Variants in PAIP2B observed in about 807,000 individuals in gnomAD.
The protein encoded by PAIP2B is polyadenylate-binding protein-interacting protein 2B.
Under a neutral mutation model 17.0 loss-of-function variants are expected in PAIP2B, and 13 were observed. The ratio of observed to expected loss-of-function variants is 0.76; its 90% confidence interval spans 0.50 to 1.22. PAIP2B has a LOEUF of 1.22. Among genes scored for constraint, PAIP2B ranks in the 50% most tolerant of loss-of-function variants. The pLI is 0.00. For missense variants in PAIP2B, 117 were observed against 144.5 expected, an observed-to-expected ratio of 0.81 and a Z score of 0.98; for synonymous variants, 43 against 48.7, an observed-to-expected ratio of 0.88 and a Z score of 0.48.
intron 1 of PAIP2B, among the ~76,000 whole-genome samples, chr2:71,217,246 G>T (rs1675449648): frequency 6.6e-6 from 1 of 152,144 alleles, no homozygotes; most frequent in South Asian, 2.1e-4. Flanking sequence ...TGATTCTCCT[G>T]CCTCAGCCTC....
chr2:71,201,464 C>T (rs762115882), intron 2 of PAIP2B, among the ~76,000 whole-genome samples: 9 of 151,812 alleles, frequency 5.9e-5, no homozygotes, highest in Admixed American at 1.3e-4. Flanking sequence ...TCACTGCAAC[C>T]TCCACCTATT....
chr2:71,208,787 A>G (rs1368077636), intron 1 of PAIP2B, among the ~76,000 whole-genome samples: 1 of 152,150 alleles, frequency 6.6e-6, no homozygotes, highest in Non-Finnish European at 1.5e-5. Context: ...GAAGAGGAGG[A>G]GGCAATGTGA....
rs1041230624 is a variant in PAIP2B at position 71,183,921 on chromosome 2, T to C, written c.*4558A>G. 6.6e-6 allele frequency: 1 copy of C among 152,238 alleles called. No individual in the cohort carries two copies. The highest frequency in any genetic ancestry group is 1.5e-5 in the Non-Finnish European group (1 of 68,038). The allele number at this position is 152,238 out of a possible 1,614,324, so 9.4% of individuals were successfully genotyped here. A position where few individuals can be genotyped will look rare whatever the true frequency, so the allele number is the denominator to read the frequency against. Reference sequence around the variant, plus strand: ...AATGGGTGTTTTATGATATGTAACATATGCCTCATTAAAGTTGTTTTAAGA... The same window carrying C: ...AATGGGTGTTTTATGATATGTAACACATGCCTCATTAAAGTTGTTTTAAGA... On this transcript the variant is annotated 3_prime_UTR_variant, in exon 4 of 4. Transcript: ENST00000244221.
chr2:71,216,096 T>G (rs966566918), intron 1 of PAIP2B, among the ~76,000 whole-genome samples: 4 of 152,244 alleles, frequency 2.6e-5, no homozygotes, highest in African/African-American at 9.6e-5. Context: ...TGATTTTTCT[T>G]TTTTGGAAAA....
intron 1 of PAIP2B, among the ~76,000 whole-genome samples, chr2:71,203,587 A>C (rs1284449418): frequency 4.6e-5 from 7 of 152,046 alleles, no homozygotes. Flanking sequence ...GAGGCTGATT[A>C]TCTTAAGATA....
In PAIP2B at chr2:71,191,617, C is replaced by T. The variant is rs539997964; in HGVS notation, c.139-1596G>A. Among the ~76,000 whole-genome samples the T allele has an allele frequency of 2.0e-5, 3 of 152,358 alleles. No individual in the cohort carries two copies. In the South Asian group the frequency reaches 6.2e-4, roughly 32 times the overall value. Reference sequence around the variant, plus strand: ...AAAATCACATTTGTCACCTTACATGCTGTATATGGCCAAGTGACTATTCAT... The same window carrying T: ...AAAATCACATTTGTCACCTTACATGTTGTATATGGCCAAGTGACTATTCAT... On this transcript the variant is annotated intron_variant, in intron 2 of 3. Transcript: ENST00000244221.
intron 2 of PAIP2B, among the ~76,000 whole-genome samples, chr2:71,195,316 G>T (rs937223499): frequency 3.3e-5 from 5 of 152,136 alleles, no homozygotes; most frequent in Non-Finnish European, 5.9e-5. Context: ...TTCTTTGTAT[G>T]TCTGGTAGAA....
rs1325917207 is a variant in PAIP2B at position 71,185,603 on chromosome 2, C to T, written c.*2876G>A. 6.6e-6 allele frequency: 1 copy of T among 151,538 alleles called. No individual in the cohort carries two copies. Among genetic ancestry groups the T allele is most frequent in the African/African-American group, 2.4e-5 (1 of 41,202 alleles). The allele number at this position is 151,538 out of a possible 1,614,324, so 9.4% of individuals were successfully genotyped here. A position where few individuals can be genotyped will look rare whatever the true frequency, so the allele number is the denominator to read the frequency against. On this transcript the variant is annotated 3_prime_UTR_variant, in exon 4 of 4. Transcript: ENST00000244221. The stretch of plus-strand genomic sequence containing the variant: ...AAAAAAAAAAAAAAAAGAGGGACCC[C>T]AGCTGCTGTGACTTTGGAAACTAAA...
chr2:71,212,329 G>C (rs969309566), intron 1 of PAIP2B, among the ~76,000 whole-genome samples: 8 of 152,042 alleles, frequency 5.3e-5, no homozygotes, highest in African/African-American at 1.9e-4. Flanking sequence ...ACTTGTTTTG[G>C]GACTAGTCTA....
intron 1 of PAIP2B, among the ~76,000 whole-genome samples, chr2:71,207,454 G>A (rs561383044): frequency 7.9e-5 from 12 of 152,228 alleles, no homozygotes; most frequent in African/African-American, 2.9e-4. Flanking sequence ...GAGACCACAT[G>A]AAGGATTTTG....
At chr2:71,197,806 A>G (rs1400165731) in intron 2 of PAIP2B, among the ~76,000 whole-genome samples, 2 of 152,192 alleles carry the variant, frequency 1.3e-5, no homozygotes, top group African/African-American at 2.4e-5. Flanking sequence ...TCCCGTTTTT[A>G]AAACCATCAA....
chr2:71,194,823 C>T (rs1306577494), intron 2 of PAIP2B, among the ~76,000 whole-genome samples: 1 of 152,174 alleles, frequency 6.6e-6, no homozygotes, highest in Non-Finnish European at 1.5e-5. Context: ...AAGGGGAATG[C>T]TTCCAGCTTT....
chr2:71,194,459 TTG>T (rs141924993), intron 2 of PAIP2B, among the ~76,000 whole-genome samples: 23,947 of 143,322 alleles, frequency 0.17, 2,061 homozygotes, highest in African/African-American at 0.2. Context: ...TATTCCTAGG[TTG>T]TGTGTGTGTG....
rs370991374 is a variant in PAIP2B at position 71,185,139 on chromosome 2, A to G, written c.*3340T>C. 3.5e-4 allele frequency: 54 copies of G among 152,308 alleles called. No individual in the cohort carries two copies. Among genetic ancestry groups the G allele is most frequent in the African/African-American group, 1.3e-3 (52 of 41,548 alleles). The allele number at this position is 152,308 out of a possible 1,614,324, so 9.4% of individuals were successfully genotyped here. On this transcript the variant is annotated 3_prime_UTR_variant, in exon 4 of 4. Transcript: ENST00000244221. ...CTTTCCTCTCTAACACGTGTTAATT[A>G]TCAGAGTATTCACCTCACCTCCTTA...
intron 2 of PAIP2B, among the ~76,000 whole-genome samples, chr2:71,191,263 T>C: frequency 6.6e-6 from 1 of 152,232 alleles, no homozygotes; most frequent in East Asian, 1.9e-4. Context: ...TAGTGAGACT[T>C]AAGAATAGTA....
chr2:71,204,891 T>G (rs1404743301), intron 1 of PAIP2B, among the ~76,000 whole-genome samples: 1 of 152,190 alleles, frequency 6.6e-6, no homozygotes, highest in Non-Finnish European at 1.5e-5. Context: ...GATTTGGCAG[T>G]TGTTTGCAAC....
chr2:71,188,494 T>C lies in PAIP2B; in HGVS notation c.357A>G (p.Pro119=), dbSNP rs979450142. ...NLNPDAKEFI[P]GEKY is the part of the protein sequence containing the mutation. ...CTTTCTCGGCTCAGTACTTCTCTCC[T>C]GGAATAAACTCCTTGGCATCTGGGT... Residue 119 remains proline (P), a synonymous_variant, in exon 4 of 4, where the codon CCA becomes CCG. Transcript: ENST00000244221. The C allele has an allele frequency of 6.2e-7, 1 of 1,608,320 alleles. No individual in the cohort carries two copies. Among genetic ancestry groups the C allele is most frequent in the Non-Finnish European group, 8.5e-7 (1 of 1,176,920 alleles).
At position 71,202,646 on chromosome 2, in the gene PAIP2B, G is replaced by A. The variant is rs1675014592; in HGVS notation, c.-11-46C>T. On this transcript the variant is annotated intron_variant, in intron 1 of 3. Transcript: ENST00000244221. ...AGATAAAATGAATATAAGGATAAAGGAAATGTAGAGACCTAAAACATGCAG... is the reference window on the plus strand; with the variant it reads ...AGATAAAATGAATATAAGGATAAAGAAAATGTAGAGACCTAAAACATGCAG... The A allele has an allele frequency of 1.1e-5, 16 of 1,495,530 alleles. No individual in the cohort carries two copies. The Admixed American group carries it at 2.8e-4, about 26-fold the overall frequency. 92.6% of individuals were successfully genotyped at this position (1,495,530 alleles called of 1,614,324 possible). A position where few individuals can be genotyped will look rare whatever the true frequency, so the allele number is the denominator to read the frequency against.
At chr2:71,219,834 T>C (rs564096500) in intron 1 of PAIP2B, among the ~76,000 whole-genome samples, 18 of 152,342 alleles carry the variant, frequency 1.2e-4, no homozygotes, top group Non-Finnish European at 2.1e-4. Context: ...TGGTTTCTTA[T>C]TATCATTTCA....
Sources: gnomAD v4.1 joint callset for allele counts (sites outside exome capture counted in the v4.1 genomes callset) on GRCh38, gnomAD v4.1.1 for gene constraint, MANE v1.5 for transcripts, NCBI Gene and HGNC (gene_info 2026-07-23, HGNC 2026-07-21) for gene names.